The following PCDH11X variants were observed in gnomAD, a reference collection of about 807,000 sequenced individuals.
PCDH11X encodes protocadherin 11 X-linked.
PCDH11X carries 18 observed loss-of-function variants against 53.3 expected under a neutral mutation model. That is an observed-to-expected ratio of 0.34 (90% CI 0.23 to 0.50). PCDH11X has a LOEUF of 0.50. Among genes scored for constraint, PCDH11X ranks in the 20% least tolerant of loss-of-function variants. The pLI is 0.98. For missense variants in PCDH11X, 570 were observed against 1,032.4 expected, an observed-to-expected ratio of 0.55 and a Z score of 6.14; for synonymous variants, 279 against 393.3, an observed-to-expected ratio of 0.71 and a Z score of 3.44.
At chrX:92,144,443 G>C (rs1255765978) in intron 6 of PCDH11X, among the ~76,000 whole-genome samples, 1 of 110,606 alleles carries the variant, frequency 9.0e-6, no homozygotes, top group East Asian at 2.8e-4. Flanking sequence ...TCATGATAGT[G>C]AATACGTCTT....
At chrX:92,278,765 A>G (rs1455293187) in intron 8 of PCDH11X, among the ~76,000 whole-genome samples, 6 of 102,962 alleles carry the variant, frequency 5.8e-5, no homozygotes, top group Non-Finnish European at 7.8e-5. Flanking sequence ...AGGGGATGTG[A>G]TGGCTTGGCT....
At chrX:92,198,410 CAAAAAA>C (rs148083122) in intron 6 of PCDH11X, among the ~76,000 whole-genome samples, 1 of 31,620 alleles carries the variant, frequency 3.2e-5, no homozygotes, top group Non-Finnish European at 5.1e-5. Context: ...GATCCTGTCT[CAAAAAA>C]AAAAAAAAAA....
At chrX:92,187,794 A>G (rs745331160) in intron 6 of PCDH11X, among the ~76,000 whole-genome samples, 2 of 112,004 alleles carry the variant, frequency 1.8e-5, no homozygotes, top group Admixed American at 1.9e-4. Context: ...GGTTCAAGTG[A>G]CTTTTATTTG....
chrX:92,259,723 GTCAGCATC>G (rs1246330163), intron 7 of PCDH11X, among the ~76,000 whole-genome samples: 3 of 111,382 alleles, frequency 2.7e-5, no homozygotes, highest in African/African-American at 9.8e-5. Flanking sequence ...GCCAGCAAGT[GTCAGCATC>G]TCACCCAAGG....
intron 10 of PCDH11X, among the ~76,000 whole-genome samples, chrX:92,592,808 G>A (rs1224932151): frequency 8.9e-6 from 1 of 111,907 alleles, no homozygotes; most frequent in Non-Finnish European, 1.9e-5. Context: ...TATTTTAAAA[G>A]GATTTTTCGT....
At chrX:92,532,839 G>A (rs766257803) in intron 10 of PCDH11X, among the ~76,000 whole-genome samples, 79 of 111,691 alleles carry the variant, frequency 7.1e-4, no homozygotes, top group Non-Finnish European at 1.3e-3. Flanking sequence ...CACAGTCATG[G>A]CAAAAGGCTA....
intron 8 of PCDH11X, among the ~76,000 whole-genome samples, chrX:92,375,175 T>TTTTTTA: frequency 2.4e-5 from 1 of 41,605 alleles, no homozygotes; most frequent in African/African-American, 9.7e-5. Context: ...TATTTTTTTT[T>TTTTTTA]TTTTTTTTTT....
chrX:92,190,311 T>G (rs2066173063), intron 6 of PCDH11X, among the ~76,000 whole-genome samples: 1 of 111,675 alleles, frequency 9.0e-6, no homozygotes, highest in South Asian at 3.7e-4. Context: ...GCACCATTTA[T>G]TAAATAGGGA....
At chrX:92,517,073 A>G (rs1173715506) in intron 10 of PCDH11X, among the ~76,000 whole-genome samples, 7 of 112,159 alleles carry the variant, frequency 6.2e-5, no homozygotes, top group Non-Finnish European at 1.3e-4. Context: ...TGAACTAAAT[A>G]ATGTCTCACA....
intron 10 of PCDH11X, among the ~76,000 whole-genome samples, chrX:92,484,112 ATATATAGTATATATATGTATATATG>A (rs2073566515): frequency 1.3e-5 from 1 of 75,174 alleles, no homozygotes; most frequent in South Asian, 8.0e-4. Flanking sequence ...GTGTGTGTAT[ATATATAGTATATATATGTATATATG>A]TATGTATATA....
chrX:91,923,652 G>A (rs1285855349), intron 6 of PCDH11X, among the ~76,000 whole-genome samples: 3 of 103,871 alleles, frequency 2.9e-5, no homozygotes, highest in African/African-American at 1.1e-4. Flanking sequence ...GGCCCATCAT[G>A]AGACTTCACC....
At chrX:92,511,752 G>A (rs1446787798) in intron 10 of PCDH11X, among the ~76,000 whole-genome samples, 1 of 111,101 alleles carries the variant, frequency 9.0e-6, no homozygotes, top group Non-Finnish European at 1.9e-5. Context: ...TATTTTTTAG[G>A]AAACAATTCA....
At position 92,416,993 on chromosome X, in the gene PCDH11X, T is replaced by C. The variant is rs182807361; in HGVS notation, c.3343+29060T>C. On this transcript the variant is annotated intron_variant, in intron 9 of 10. Coordinates refer to ENST00000682573, the MANE Select transcript of PCDH11X (RefSeq NM_032968.5). ...TATACCGGACAATTACTTCATTGCA[T>C]GTAAATATACCTCATTGATTTTAAC... Among the ~76,000 whole-genome samples, 191 of 110,746 alleles carry C rather than the reference T, an allele frequency of 1.7e-3. 1 individual carries two copies. The highest frequency in any genetic ancestry group is 5.9e-3 in the African/African-American group (181 of 30,576).
chrX:92,404,491 G>A (rs904623952), intron 9 of PCDH11X, among the ~76,000 whole-genome samples: 4 of 111,125 alleles, frequency 3.6e-5, no homozygotes, highest in Non-Finnish European at 5.7e-5. Flanking sequence ...GAAATGTAGA[G>A]TAAAAATTTC....
chrX:92,107,612 C>T (rs2064413119), intron 6 of PCDH11X, among the ~76,000 whole-genome samples: 1 of 112,371 alleles, frequency 8.9e-6, no homozygotes, highest in Non-Finnish European at 1.9e-5. Flanking sequence ...TGGCACATGC[C>T]TGTAATCCCT....
intron 7 of PCDH11X, among the ~76,000 whole-genome samples, chrX:92,261,356 A>G (rs1414551009): frequency 2.7e-5 from 3 of 111,983 alleles, no homozygotes; most frequent in Non-Finnish European, 5.6e-5. Context: ...TAATGAAAAT[A>G]TACAATTTAG....
intron 8 of PCDH11X, among the ~76,000 whole-genome samples, chrX:92,299,098 C>G: frequency 9.0e-6 from 1 of 110,927 alleles, no homozygotes; most frequent in East Asian, 2.9e-4. Context: ...CCTTTAGTCC[C>G]CAATAAAGCT....
intron 8 of PCDH11X, among the ~76,000 whole-genome samples, chrX:92,326,556 T>C (rs1322581032): frequency 1.2e-5 from 1 of 85,074 alleles, no homozygotes; most frequent in African/African-American, 4.8e-5. Flanking sequence ...AAATGAGTAA[T>C]GTGGGCATTT....
At chrX:91,949,714 A>G (rs2061616192) in intron 6 of PCDH11X, among the ~76,000 whole-genome samples, 1 of 111,176 alleles carries the variant, frequency 9.0e-6, no homozygotes, top group South Asian at 3.7e-4. Context: ...TGTATGTGAT[A>G]ATTTTAATGA....
Sources: gnomAD v4.1 joint callset for allele counts (sites outside exome capture counted in the v4.1 genomes callset) on GRCh38, gnomAD v4.1.1 for gene constraint, MANE v1.5 for transcripts, NCBI Gene and HGNC (gene_info 2026-07-23, HGNC 2026-07-21) for gene names.